The following TMC1 variants were observed in gnomAD, a reference collection of about 807,000 sequenced individuals.
TMC1 encodes transmembrane channel-like protein 1.
TMC1 carries 84 observed loss-of-function variants against 105.8 expected under a neutral mutation model. That is an observed-to-expected ratio of 0.79 (90% CI 0.67 to 0.95). The LOEUF (loss-of-function observed/expected upper bound fraction) is 0.95, where lower values mean the gene tolerates loss of function less well. TMC1 is among the 40% of genes least tolerant of loss of function. TMC1 has a pLI of 0.00. For missense variants in TMC1, 817 were observed against 914.1 expected (o/e 0.89, Z 1.37); for synonymous variants, 315 against 311.5 (o/e 1.01, Z -0.12).
chr9:72,719,194 A>G (rs999570308), intron 8 of TMC1, among the ~76,000 whole-genome samples: 9 of 152,116 alleles, frequency 5.9e-5, no homozygotes, highest in South Asian at 4.1e-4. Context: ...TCCTCCCCCA[A>G]GTTCTGGCCA....
chr9:72,791,002 G>A (rs1360171609), intron 15 of TMC1, among the ~76,000 whole-genome samples: 1 of 152,104 alleles, frequency 6.6e-6, no homozygotes, highest in Non-Finnish European at 1.5e-5. Flanking sequence ...AGTTTGAGCC[G>A]GGTATTTGGG....
chr9:72,797,157 C>CA (rs771369200), intron 17 of TMC1, among the ~76,000 whole-genome samples: 2 of 152,168 alleles, frequency 1.3e-5, no homozygotes, highest in East Asian at 3.9e-4. Flanking sequence ...ATGCAGCTAA[C>CA]AAGGGAAGTG....
At chr9:72,578,213 T>A (rs1256144480) in intron 2 of TMC1, 190 bp downstream of exon 2, 1 of 152,448 alleles carries the variant, frequency 6.6e-6, no homozygotes, top group African/African-American at 2.4e-5. Context: ...TTTGAGCACA[T>A]TATCTTCTCT....
At chr9:72,764,508 T>G (rs1827801602) in intron 12 of TMC1, among the ~76,000 whole-genome samples, 1 of 152,210 alleles carries the variant, frequency 6.6e-6, no homozygotes, top group Non-Finnish European at 1.5e-5. Flanking sequence ...TTTATGCAAT[T>G]AGACAGTAGG....
chr9:72,836,091 A>AAAATCCATCAAGGG lies in TMC1; in HGVS notation c.*118_*119insAAATCCATCAAGGG. The AAAATCCATCAAGGG allele has an allele frequency of 1.6e-6, 2 of 1,214,012 alleles. No homozygotes were observed. The highest frequency in any genetic ancestry group is 2.4e-6 in the Non-Finnish European group (2 of 827,120). 75.2% of individuals were successfully genotyped at this position (1,214,012 alleles called of 1,614,324 possible). A position where few individuals can be genotyped will look rare whatever the true frequency, so the allele number is the denominator to read the frequency against. Reference sequence around the variant, plus strand: ...CTGCTATTTTCCTGTTCTACCCTTGATGGATTTTCAAGGTCATGCTGGCCA... The same window carrying AAAATCCATCAAGGG: ...CTGCTATTTTCCTGTTCTACCCTTGAAAATCCATCAAGGGTGGATTTTCAAGGTCATGCTGGCCA... On this transcript the variant is annotated 3_prime_UTR_variant, in exon 24 of 24. Coordinates refer to ENST00000297784, the MANE Select transcript of TMC1 (RefSeq NM_138691.3).
chr9:72,803,729 A>G (rs778197930), intron 17 of TMC1, among the ~76,000 whole-genome samples: 2 of 152,198 alleles, frequency 1.3e-5, no homozygotes, highest in Non-Finnish European at 1.5e-5. Context: ...AAGTCAGGAA[A>G]CAACAGATGC....
At chr9:72,612,247 T>C (rs1358146398) in intron 2 of TMC1, among the ~76,000 whole-genome samples, 2 of 152,152 alleles carry the variant, frequency 1.3e-5, no homozygotes, top group Admixed American at 1.3e-4. Context: ...TACTACTCAC[T>C]GCAGCCTTGA....
chr9:72,551,068 T>C (rs969345235), intron 1 of TMC1, among the ~76,000 whole-genome samples: 1 of 152,118 alleles, frequency 6.6e-6, no homozygotes, highest in Non-Finnish European at 1.5e-5. Flanking sequence ...GCTTTGAAGA[T>C]GGAGGAAGGG....
chr9:72,805,452 G>A lies in TMC1; in HGVS notation c.1637G>A (p.Arg546Lys). 3 of 1,613,704 alleles carry A rather than the reference G, an allele frequency of 1.9e-6. No individual in the cohort carries two copies. Among genetic ancestry groups the A allele is most frequent in the Non-Finnish European group, 2.5e-6 (3 of 1,179,940 alleles). ...YVTILIGDFLRACFVRFCNYC... is the reference protein window; with the variant it reads ...YVTILIGDFLKACFVRFCNYC... ...ACAATCCTCATTGGGGACTTTCTAA[G>A]GGCATGTTTTGTGAGGTTTTGCAAT... Residue 546 changes from arginine to lysine, a missense_variant, in exon 18 of 24, where the codon AGG becomes AAG. Transcript: ENST00000297784.
At chr9:72,766,381 C>T (rs951116252) in intron 12 of TMC1, among the ~76,000 whole-genome samples, 1 of 149,262 alleles carries the variant, frequency 6.7e-6, no homozygotes, top group African/African-American at 2.5e-5. Context: ...TGCGCCACTG[C>T]ACTCCAGCCT....
chr9:72,771,878 T>C (rs1265091720), intron 12 of TMC1, among the ~76,000 whole-genome samples: 1 of 152,170 alleles, frequency 6.6e-6, no homozygotes, highest in Non-Finnish European at 1.5e-5. Flanking sequence ...GCTGTGATAG[T>C]CTTGATGAAT....
chr9:72,792,182 G>C lies in TMC1; in HGVS notation c.1405-9G>C. ...TCTTCATTTTAGTTTCTATCTCTTTGCTTTCTAGATTGAAGAGGAGAAGCT... is the reference window on the plus strand; with the variant it reads ...TCTTCATTTTAGTTTCTATCTCTTTCCTTTCTAGATTGAAGAGGAGAAGCT... On this transcript the variant is annotated splice_polypyrimidine_tract_variant and intron_variant, in intron 16 of 23. Coordinates refer to ENST00000297784, the MANE Select transcript of TMC1 (RefSeq NM_138691.3). 6.2e-7 allele frequency: 1 copy of C among 1,613,962 alleles called. No homozygotes were observed. The highest frequency in any genetic ancestry group is 1.6e-4 in the Middle Eastern group (1 of 6,062).
At chr9:72,570,676 CTTTTTTTTTTT>C (rs529953890) in intron 1 of TMC1, among the ~76,000 whole-genome samples, 22 of 75,644 alleles carry the variant, frequency 2.9e-4, no homozygotes, top group African/African-American at 8.8e-4. Flanking sequence ...GCCAAATTTC[CTTTTTTTTTTT>C]TTTTTTTTTT....
chr9:72,694,706 G>A lies in TMC1; in HGVS notation c.228G>A (p.Lys76=), dbSNP rs2132189712. Residue 76 remains lysine (K), a synonymous_variant, in exon 7 of 24, where the codon AAG becomes AAA. Coordinates refer to ENST00000297784, the MANE Select transcript of TMC1 (RefSeq NM_138691.3). ...AAAAAGAGAGGAGGAGGAGGCTAAA[G>A]AGAGGAGCGTAAGTTAGTTCTGATA... The part of the protein sequence containing the change: ...AREKERRRRL[K]RGAEEEEIDE... 1 of 1,608,934 alleles carries A rather than the reference G, an allele frequency of 6.2e-7. No individual in the cohort carries two copies. Among genetic ancestry groups the A allele is most frequent in the Non-Finnish European group, 8.5e-7 (1 of 1,177,236 alleles).
chr9:72,526,606 G>A (rs987203605), intron 1 of TMC1, among the ~76,000 whole-genome samples: 23 of 152,116 alleles, frequency 1.5e-4, no homozygotes, highest in African/African-American at 4.6e-4. Flanking sequence ...TAAAAACAAA[G>A]TAAAACCAGA....
At chr9:72,626,657 G>A (rs1345794586) in intron 3 of TMC1, among the ~76,000 whole-genome samples, 1 of 152,140 alleles carries the variant, frequency 6.6e-6, no homozygotes, top group Non-Finnish European at 1.5e-5. Flanking sequence ...AGAGTTAAAT[G>A]CTATGGAGAG....
At chr9:72,830,817 AC>A in intron 23 of TMC1, 135 bp downstream of exon 23, 1 of 759,416 alleles carries the variant, frequency 1.3e-6, no homozygotes, top group Non-Finnish European at 2.1e-6. Flanking sequence ...CACAATCCTT[AC>A]CTTCCACCTT....
chr9:72,587,590 A>C (rs944159324), intron 2 of TMC1, among the ~76,000 whole-genome samples: 17 of 152,142 alleles, frequency 1.1e-4, no homozygotes, highest in African/African-American at 4.1e-4. Flanking sequence ...TATTGATGGA[A>C]GATGCATTTT....
At chr9:72,812,476 C>T (rs1450231644) in intron 18 of TMC1, among the ~76,000 whole-genome samples, 1 of 152,220 alleles carries the variant, frequency 6.6e-6, no homozygotes, top group African/African-American at 2.4e-5. Context: ...TACAAAGCCT[C>T]AAGTGCTCAA....
Sources: allele counts gnomAD v4.1 joint callset (sites outside exome capture counted in the v4.1 genomes callset), GRCh38; gene constraint gnomAD v4.1.1; transcripts MANE v1.5; gene names NCBI Gene and HGNC (gene_info 2026-07-23, HGNC 2026-07-21).